Variants in AKAP10 observed in about 807,000 individuals in gnomAD.
AKAP10 encodes the protein A-kinase anchoring protein 10.
Under a neutral mutation model 80.8 loss-of-function variants are expected in AKAP10, and 24 were observed. That is an observed-to-expected ratio of 0.30 (90% CI 0.22 to 0.42). AKAP10 has a LOEUF of 0.42. Among genes scored for constraint, AKAP10 ranks in the 10% least tolerant of loss-of-function variants. The pLI, the probability that AKAP10 is intolerant of heterozygous loss-of-function variation, is 1.00. For synonymous variants in AKAP10, 291 were observed against 277.7 expected (o/e 1.05, Z -0.48); for missense variants, 661 against 794.9 (o/e 0.83, Z 2.03).
intron 4 of AKAP10, among the ~76,000 whole-genome samples, chr17:19,948,768 T>C (rs1332643099): frequency 6.6e-6 from 1 of 152,108 alleles, no homozygotes; most frequent in East Asian, 1.9e-4. Flanking sequence ...TGGGTGTGCA[T>C]GGCCCTGCTT....
chr17:19,932,522 G>A (rs2042947432), intron 9 of AKAP10, among the ~76,000 whole-genome samples: 1 of 150,116 alleles, frequency 6.7e-6, no homozygotes, highest in Admixed American at 6.6e-5. Context: ...TATTTGTCAC[G>A]AAAGTATTAC....
At chr17:19,976,527 CT>C (rs1024918671) in intron 1 of AKAP10, among the ~76,000 whole-genome samples, 6 of 150,544 alleles carry the variant, frequency 4.0e-5, no homozygotes, top group East Asian at 2.0e-4. Flanking sequence ...CTGTCTGGTA[CT>C]TTTTTTTTGA....
intron 7 of AKAP10, among the ~76,000 whole-genome samples, chr17:19,940,641 C>T (rs1185307540): frequency 1.3e-5 from 2 of 152,188 alleles, no homozygotes; most frequent in Non-Finnish European, 1.5e-5. Flanking sequence ...TAAAAACATG[C>T]ACTCTCTTAC....
intron 2 of AKAP10, among the ~76,000 whole-genome samples, chr17:19,965,068 G>C (rs541754047): frequency 6.6e-6 from 1 of 152,202 alleles, no homozygotes; most frequent in Non-Finnish European, 1.5e-5. Flanking sequence ...CTTTGGTCTT[G>C]TATCACTGAT....
intron 1 of AKAP10, among the ~76,000 whole-genome samples, chr17:19,976,815 CCT>C (rs2043574261): frequency 6.6e-6 from 1 of 152,286 alleles, no homozygotes; most frequent in African/African-American, 2.4e-5. Flanking sequence ...CCGCGCCCGG[CCT>C]CTGTCTGGTA....
At chr17:19,945,224 AAAAG>A (rs3837861) in intron 5 of AKAP10, among the ~76,000 whole-genome samples, 15,955 of 152,242 alleles carry the variant, frequency 0.1, 873 homozygotes, top group Admixed American at 0.13. Context: ...AAGCTTAAGT[AAAAG>A]AAAGAGAGTT....
In AKAP10 at chr17:19,962,714, G is replaced by A. The variant is rs557436578; in HGVS notation, c.319+126C>T. 7 of 985,016 alleles carry A rather than the reference G, an allele frequency of 7.1e-6. No homozygotes were observed. The East Asian group carries it at 7.5e-5, about 11-fold the overall frequency. The allele number at this position is 985,016 out of a possible 1,614,324, so 61.0% of individuals were successfully genotyped here. ...ACAGCTACCCATTATACTTGTAGCT[G>A]TTATTTTAAATACATTTTTTCCAAA... On this transcript the variant is annotated intron_variant, in intron 3 of 14. Transcript: ENST00000225737.
chr17:19,932,669 T>C (rs904782917), intron 9 of AKAP10, among the ~76,000 whole-genome samples: 4 of 152,056 alleles, frequency 2.6e-5, no homozygotes, highest in Non-Finnish European at 5.9e-5. Flanking sequence ...TTCCTTAAGA[T>C]AACTCACCAG....
At chr17:19,943,217 T>C (rs776369060) in intron 5 of AKAP10, among the ~76,000 whole-genome samples, 2 of 152,160 alleles carry the variant, frequency 1.3e-5, no homozygotes, top group Non-Finnish European at 2.9e-5. Flanking sequence ...ATACAGCGCC[T>C]AAAATTCATG....
At chr17:19,918,927 T>C (rs2042779913) in intron 12 of AKAP10, among the ~76,000 whole-genome samples, 1 of 151,646 alleles carries the variant, frequency 6.6e-6, no homozygotes, top group Non-Finnish European at 1.5e-5. Context: ...ATATATTTAT[T>C]TTTTTTAAAT....
intron 4 of AKAP10, among the ~76,000 whole-genome samples, chr17:19,951,143 GCA>G (rs2043202515): frequency 2.1e-4 from 10 of 46,650 alleles, no homozygotes; most frequent in African/African-American, 6.7e-4. Context: ...GAGGTGGGGG[GCA>G]GCCCCCGCCC....
At chr17:19,950,927 T>A (rs1432105208) in intron 4 of AKAP10, among the ~76,000 whole-genome samples, 2 of 147,784 alleles carry the variant, frequency 1.4e-5, no homozygotes, top group African/African-American at 5.1e-5. Flanking sequence ...CGCCGCCCCG[T>A]CTGGGATGGG....
intron 1 of AKAP10, 37 bp from the exon 2 acceptor site, chr17:19,968,498 A>T (rs746953522): frequency 1.3e-5 from 20 of 1,548,116 alleles, no homozygotes; most frequent in Admixed American, 1.7e-5. Flanking sequence ...CAACTTTTGC[A>T]GTCAGAGATC....
At chr17:19,922,826 G>A (rs959806096) in intron 11 of AKAP10, among the ~76,000 whole-genome samples, 2 of 152,104 alleles carry the variant, frequency 1.3e-5, no homozygotes, top group South Asian at 2.1e-4. Flanking sequence ...CTTGAACCTG[G>A]GAGACAGAGG....
intron 10 of AKAP10, among the ~76,000 whole-genome samples, chr17:19,931,060 G>A (rs1398177237): frequency 6.6e-6 from 1 of 152,042 alleles, no homozygotes; most frequent in African/African-American, 2.4e-5. Flanking sequence ...TCTAGTCCCA[G>A]CTATTCAGGA....
chr17:19,970,750 G>A (rs918188822), intron 1 of AKAP10, among the ~76,000 whole-genome samples: 2 of 152,024 alleles, frequency 1.3e-5, no homozygotes, highest in Non-Finnish European at 2.9e-5. Flanking sequence ...TTGAACCCGG[G>A]AGGCCGAGAT....
At chr17:19,928,819 G>A (rs1369825968) in intron 10 of AKAP10, among the ~76,000 whole-genome samples, 3 of 152,048 alleles carry the variant, frequency 2.0e-5, no homozygotes, top group East Asian at 1.9e-4. Flanking sequence ...GCAGTGAGCC[G>A]AGATTGTGCC....
At chr17:19,920,679 C>T (rs2042800237) in intron 11 of AKAP10, among the ~76,000 whole-genome samples, 1 of 151,652 alleles carries the variant, frequency 6.6e-6, no homozygotes, top group Non-Finnish European at 1.5e-5. Context: ...CCTGTCTCTA[C>T]TAAAAATACA....
intron 10 of AKAP10, among the ~76,000 whole-genome samples, chr17:19,929,168 T>C (rs1042932280): frequency 3.9e-5 from 6 of 152,062 alleles, no homozygotes; most frequent in Admixed American, 3.9e-4. Context: ...ATTGTCTCTA[T>C]AGAGATAAAA....
Sources: gnomAD v4.1 joint callset for allele counts (sites outside exome capture counted in the v4.1 genomes callset) on GRCh38, gnomAD v4.1.1 for gene constraint, MANE v1.5 for transcripts, NCBI Gene and HGNC (gene_info 2026-07-23, HGNC 2026-07-21) for gene names.